Variants in SPAG16 observed in about 807,000 individuals in gnomAD.
The protein encoded by SPAG16 is sperm associated antigen 16.
Under a neutral mutation model 80.4 loss-of-function variants are expected in SPAG16, and 86 were observed. That is an observed-to-expected ratio of 1.07 (90% CI 0.90 to 1.28). The LOEUF (loss-of-function observed/expected upper bound fraction) is 1.28. Among genes scored for constraint, SPAG16 ranks in the 50% most tolerant of loss-of-function variants. The pLI is 0.00. For missense variants in SPAG16, 870 were observed against 765.3 expected, an observed-to-expected ratio of 1.14 and a Z score of -1.61; for synonymous variants, 294 against 265.9, an observed-to-expected ratio of 1.11 and a Z score of -1.03.
At chr2:213,356,440 A>T (rs1183387103) in intron 7 of SPAG16, among the ~76,000 whole-genome samples, 1 of 152,232 alleles carries the variant, frequency 6.6e-6, no homozygotes, top group African/African-American at 2.4e-5. Flanking sequence ...TGATTGGTCA[A>T]TTCAGAGATT....
rs140317843 is a variant in SPAG16 at position 213,736,288 on chromosome 2, G to A, written c.1071-126197G>A. Among the ~76,000 whole-genome samples the A allele has an allele frequency of 5.5e-3, 833 of 152,000 alleles. 7 individuals carry two copies. Among genetic ancestry groups the A allele is most frequent in the Middle Eastern group, 6.8e-3 (2 of 294 alleles). On this transcript the variant is annotated intron_variant, in intron 10 of 15. Coordinates refer to ENST00000331683, the MANE Select transcript of SPAG16 (RefSeq NM_024532.5). ...ATTCTTGAGTTCCTAATTGCTGTAG[G>A]TTCAGATTTTTTTTTCTTTTTTTGA...
chr2:214,094,789 T>A (rs1440656445), intron 13 of SPAG16, among the ~76,000 whole-genome samples: 1 of 152,048 alleles, frequency 6.6e-6, no homozygotes, highest in Non-Finnish European at 1.5e-5. Flanking sequence ...TATTTGGTAA[T>A]ATGGGGTAGA....
intron 15 of SPAG16, among the ~76,000 whole-genome samples, chr2:214,199,102 T>C (rs2057936548): frequency 6.6e-6 from 1 of 152,166 alleles, no homozygotes; most frequent in Non-Finnish European, 1.5e-5. Context: ...GGCTTTTTCA[T>C]TTAATTAGGT....
intron 15 of SPAG16, among the ~76,000 whole-genome samples, chr2:214,280,392 T>TA (rs1177146627): frequency 2.0e-5 from 3 of 152,074 alleles, no homozygotes; most frequent in East Asian, 1.9e-4. Flanking sequence ...CGTATGGAAA[T>TA]AAAAAAATAT....
intron 9 of SPAG16, among the ~76,000 whole-genome samples, chr2:213,434,302 A>G (rs976235465): frequency 2.6e-5 from 4 of 152,154 alleles, no homozygotes; most frequent in Non-Finnish European, 5.9e-5. Flanking sequence ...ATCTCTCAGC[A>G]TATAGAAAAA....
intron 10 of SPAG16, among the ~76,000 whole-genome samples, chr2:213,494,470 C>G (rs575632884): frequency 6.6e-6 from 1 of 152,312 alleles, no homozygotes; most frequent in South Asian, 2.1e-4. Context: ...CATTCCCTCA[C>G]CCTGCAATTC....
chr2:213,725,230 C>G (rs2066713349), intron 10 of SPAG16, among the ~76,000 whole-genome samples: 1 of 152,054 alleles, frequency 6.6e-6, no homozygotes, highest in Non-Finnish European at 1.5e-5. Context: ...TGTCACTTTG[C>G]CCAGGCTGGT....
intron 3 of SPAG16, among the ~76,000 whole-genome samples, chr2:213,298,778 A>G (rs1181494495): frequency 1.3e-5 from 2 of 152,206 alleles, no homozygotes; most frequent in South Asian, 2.1e-4. Flanking sequence ...ATAACCTTAC[A>G]TGAGTTAACA....
intron 11 of SPAG16, among the ~76,000 whole-genome samples, chr2:213,913,029 G>T (rs568834291): frequency 2.6e-5 from 4 of 151,872 alleles, no homozygotes; most frequent in Admixed American, 6.6e-5. Context: ...GGCACTATCT[G>T]TTTTTCTAAA....
chr2:214,228,575 G>T (rs138186690), intron 15 of SPAG16, among the ~76,000 whole-genome samples: 1,525 of 151,844 alleles, frequency 0.01, 9 homozygotes, highest in Non-Finnish European at 0.014. Context: ...CTATATCAAT[G>T]GTTCTCAAAG....
intron 10 of SPAG16, among the ~76,000 whole-genome samples, chr2:213,822,278 A>G (rs1248530822): frequency 6.6e-6 from 1 of 152,064 alleles, no homozygotes; most frequent in Non-Finnish European, 1.5e-5. Flanking sequence ...TGTAGTTTTG[A>G]TGTGCATTTC....
chr2:213,323,166 C>T (rs922325616), intron 5 of SPAG16, among the ~76,000 whole-genome samples: 8 of 152,148 alleles, frequency 5.3e-5, no homozygotes, highest in East Asian at 1.9e-4. Context: ...ATATGTCCGG[C>T]GCGGTGGCTT....
At chr2:213,323,598 A>T (rs1161739899) in intron 5 of SPAG16, among the ~76,000 whole-genome samples, 2 of 152,216 alleles carry the variant, frequency 1.3e-5, no homozygotes, top group Non-Finnish European at 2.9e-5. Flanking sequence ...CTACCATATG[A>T]TCAAGAAATC....
At chr2:214,038,279 C>G (rs1488514579) in intron 13 of SPAG16, among the ~76,000 whole-genome samples, 2 of 152,056 alleles carry the variant, frequency 1.3e-5, no homozygotes, top group Non-Finnish European at 2.9e-5. Context: ...TAACATGTTT[C>G]TGTGTTGTTT....
intron 9 of SPAG16, among the ~76,000 whole-genome samples, chr2:213,472,949 C>T (rs1246024305): frequency 6.6e-6 from 1 of 152,138 alleles, no homozygotes; most frequent in Non-Finnish European, 1.5e-5. Flanking sequence ...CATAAATTGT[C>T]AGTAGTGTAG....
At chr2:213,538,843 TATCTATCTATC>T (rs1367887245) in intron 10 of SPAG16, among the ~76,000 whole-genome samples, 1 of 152,154 alleles carries the variant, frequency 6.6e-6, no homozygotes, top group African/African-American at 2.4e-5. Context: ...ATCTATCTAT[TATCTATCTATC>T]ATCTATATAT....
intron 10 of SPAG16, among the ~76,000 whole-genome samples, chr2:213,798,435 T>TA (rs398040290): frequency 3.9e-5 from 6 of 151,946 alleles, no homozygotes; most frequent in East Asian, 3.9e-4. Context: ...TGTTTTTTTT[T>TA]ATAGAGATGG....
At chr2:214,105,139 G>A (rs932099062) in intron 13 of SPAG16, among the ~76,000 whole-genome samples, 10 of 152,120 alleles carry the variant, frequency 6.6e-5, no homozygotes, top group African/African-American at 1.7e-4. Context: ...AATGTAGTTA[G>A]TAGAGAGCCT....
chr2:214,290,063 G>A (rs1693678229), intron 15 of SPAG16, among the ~76,000 whole-genome samples: 2 of 151,936 alleles, frequency 1.3e-5, no homozygotes, highest in Non-Finnish European at 2.9e-5. Flanking sequence ...TTCTTTGCTG[G>A]GAGACCTTTC....
Sources: gnomAD v4.1 joint callset for allele counts (sites outside exome capture counted in the v4.1 genomes callset) on GRCh38, gnomAD v4.1.1 for gene constraint, MANE v1.5 for transcripts, NCBI Gene and HGNC (gene_info 2026-07-23, HGNC 2026-07-21) for gene names.